Variants in NFASC observed in about 807,000 individuals in gnomAD.
The protein encoded by NFASC is neurofascin homolog.
Under a neutral mutation model 147.5 loss-of-function variants are expected in NFASC, and 43 were observed. That is an observed-to-expected ratio of 0.29 (90% CI 0.23 to 0.38). The LOEUF (loss-of-function observed/expected upper bound fraction) is 0.38, where lower values mean the gene tolerates loss of function less well. Ranked by LOEUF, NFASC falls within the 10% of genes least tolerant of loss-of-function variation. NFASC has a pLI of 1.00. For missense variants in NFASC, 1,320 were observed against 1,689.0 expected, an observed-to-expected ratio of 0.78 and a Z score of 3.83; for synonymous variants, 622 against 665.5, an observed-to-expected ratio of 0.93 and a Z score of 1.01.
chr1:204,922,302 C>G (rs906943186), intron 2 of NFASC, among the ~76,000 whole-genome samples: 7 of 152,112 alleles, frequency 4.6e-5, no homozygotes, highest in African/African-American at 1.4e-4. Flanking sequence ...CGGGGGCTGG[C>G]TTCTCTGATG....
At chr1:205,013,531 A>C (rs900201547) in intron 29 of NFASC, among the ~76,000 whole-genome samples, 10 of 152,184 alleles carry the variant, frequency 6.6e-5, no homozygotes, top group Admixed American at 6.5e-5. Flanking sequence ...GCAAAGCTGG[A>C]AAGGCCAGGT....
intron 27 of NFASC, chr1:205,009,277 A>G (rs1425676678): frequency 1.1e-5 from 6 of 533,000 alleles, no homozygotes; most frequent in South Asian, 1.8e-5. Flanking sequence ...CTTCATCCCT[A>G]TGACACTTTC....
chr1:204,991,422 A>C (rs1574237186), intron 24 of NFASC, 116 bp downstream of exon 24: 1 of 1,104,544 alleles, frequency 9.1e-7, no homozygotes, highest in Non-Finnish European at 1.3e-6. Flanking sequence ...CTCCAGACTC[A>C]CCCTTTCAGT....
intron 23 of NFASC, chr1:204,990,342 G>A (rs1176271866): frequency 6.6e-6 from 1 of 152,090 alleles, no homozygotes; most frequent in Non-Finnish European, 1.5e-5. Context: ...GCACTTTCTT[G>A]ATTACTCAAT....
intron 1 of NFASC, among the ~76,000 whole-genome samples, chr1:204,916,722 G>GTTTGTT (rs2089357056): frequency 6.6e-6 from 1 of 151,110 alleles, no homozygotes; most frequent in East Asian, 2.0e-4. Context: ...TTTTTTGTTT[G>GTTTGTT]TTTGTTTTTT....
chr1:205,009,805 C>T lies in NFASC; in HGVS notation c.3421+117C>T, dbSNP rs895912018. 9.0e-6 allele frequency: 10 copies of T among 1,111,922 alleles called. 1 individual carries two copies. The highest frequency in any genetic ancestry group is 6.2e-5 in the African/African-American group (4 of 64,842). 68.9% of individuals were successfully genotyped at this position (1,111,922 alleles called of 1,614,324 possible). On this transcript the variant is annotated intron_variant, in intron 28 of 29. Transcript: ENST00000339876. The stretch of plus-strand genomic sequence containing the variant: ...TCTCTCAGTGAAGCCAGCCCTTGCC[C>T]GGATTGGAAATACAATCCTCTTGCC...
intron 24 of NFASC, among the ~76,000 whole-genome samples, chr1:204,993,531 C>T (rs544788180): frequency 1.3e-5 from 2 of 152,294 alleles, no homozygotes; most frequent in East Asian, 1.9e-4. Context: ...AACCCTTGGC[C>T]GCAGCCAGGG....
chr1:204,897,107 G>A (rs549656429), intron 1 of NFASC, among the ~76,000 whole-genome samples: 1 of 151,522 alleles, frequency 6.6e-6, no homozygotes, highest in African/African-American at 2.4e-5. Flanking sequence ...TTTTAACAAG[G>A]TCACTGGGTG....
intron 2 of NFASC, among the ~76,000 whole-genome samples, chr1:204,938,154 C>T (rs1301480580): frequency 6.6e-6 from 1 of 152,240 alleles, no homozygotes; most frequent in Non-Finnish European, 1.5e-5. Flanking sequence ...TCTCATCCAT[C>T]TGCCAGGGAC....
At position 204,991,280 on chromosome 1, in the gene NFASC, T is replaced by C; in HGVS notation, c.2768-12T>C. The stretch of plus-strand genomic sequence containing the variant: ...CCCTCTGTCTGGCCATCTTGGGCGC[T>C]GTGTTCTGAAGCTACTCCAACCGCA... On this transcript the variant is annotated splice_polypyrimidine_tract_variant and intron_variant, in intron 23 of 29. Coordinates refer to ENST00000339876, the MANE Select transcript of NFASC (RefSeq NM_001005388.3). 1 of 1,612,728 alleles carries C rather than the reference T, an allele frequency of 6.2e-7. No individual in the cohort carries two copies. The highest frequency in any genetic ancestry group is 8.5e-7 in the Non-Finnish European group (1 of 1,179,316).
chr1:204,849,957 G>A (rs2075526984), intron 1 of NFASC, among the ~76,000 whole-genome samples: 1 of 152,130 alleles, frequency 6.6e-6, no homozygotes, highest in South Asian at 2.1e-4. Context: ...GCACTGTGAC[G>A]GTACTTAGAC....
rs1671319728 is a variant in NFASC at position 204,828,775 on chromosome 1, C to T, written c.-207C>T. On this transcript the variant is annotated 5_prime_UTR_variant, in exon 1 of 30. Transcript: ENST00000339876. Reference sequence around the variant, plus strand: ...CAGCGCCCAGGGCCGGAGCCCGAGCCCTTGGAGGTAGGCGAGCGCGAACAC... The same window carrying T: ...CAGCGCCCAGGGCCGGAGCCCGAGCTCTTGGAGGTAGGCGAGCGCGAACAC... 2 of 985,250 alleles carry T rather than the reference C, an allele frequency of 2.0e-6. No individual in the cohort carries two copies. Among genetic ancestry groups the T allele is most frequent in the Admixed American group, 6.1e-5 (1 of 16,272 alleles). The allele number at this position is 985,250 out of a possible 1,614,324, so 61.0% of individuals were successfully genotyped here.
intron 21 of NFASC, chr1:204,984,345 G>GTT: frequency 4.4e-6 from 1 of 227,734 alleles, no homozygotes; most frequent in Non-Finnish European, 8.1e-6. Context: ...GTGTGTGTGT[G>GTT]TATATATATA....
At chr1:204,951,150 A>ATT (rs35794512) in intron 4 of NFASC, among the ~76,000 whole-genome samples, 40,781 of 133,196 alleles carry the variant, frequency 0.31, 8,157 homozygotes, top group Non-Finnish European at 0.44. Context: ...ATGCTATGGG[A>ATT]TTTTTTTTTT....
At chr1:204,857,916 CTTCTTTT>C (rs2076299295) in intron 1 of NFASC, among the ~76,000 whole-genome samples, 1 of 133,678 alleles carries the variant, frequency 7.5e-6, no homozygotes, top group African/African-American at 3.0e-5. Flanking sequence ...CCTTCTTCTT[CTTCTTTT>C]TTTTTTTTTT....
chr1:204,991,898 C>T (rs1029652049), intron 24 of NFASC, among the ~76,000 whole-genome samples: 1 of 152,232 alleles, frequency 6.6e-6, no homozygotes, highest in Non-Finnish European at 1.5e-5. Flanking sequence ...GGAGTCTCAG[C>T]AGGCACCGTG....
intron 1 of NFASC, among the ~76,000 whole-genome samples, chr1:204,832,220 G>T (rs554767007): frequency 6.6e-6 from 1 of 152,346 alleles, no homozygotes; most frequent in East Asian, 1.9e-4. Flanking sequence ...GGAGCTCTGT[G>T]ATGAGGTCGA....
At chr1:204,837,230 C>A (rs945437541) in intron 1 of NFASC, among the ~76,000 whole-genome samples, 23 of 151,488 alleles carry the variant, frequency 1.5e-4, no homozygotes, top group African/African-American at 5.1e-4. Context: ...AGATTAAAGT[C>A]TTTGGGGAAG....
intron 28 of NFASC, chr1:205,009,945 T>C: frequency 2.0e-6 from 1 of 512,106 alleles, no homozygotes; most frequent in Non-Finnish European, 3.5e-6. Flanking sequence ...TGGCTCCTAT[T>C]AAGAATGACC....
Sources: allele counts gnomAD v4.1 joint callset (sites outside exome capture counted in the v4.1 genomes callset), GRCh38; gene constraint gnomAD v4.1.1; transcripts MANE v1.5; gene names NCBI Gene and HGNC (gene_info 2026-07-23, HGNC 2026-07-21).